The following RAG1 variants were observed in gnomAD, a reference collection of about 807,000 sequenced individuals.
The protein encoded by RAG1 is V(D)J recombination-activating protein 1.
RAG1 carries 35 observed loss-of-function variants against 62.7 expected under a neutral mutation model. The observed-to-expected ratio is 0.56, with a 90% CI of 0.43 to 0.74. The LOEUF is 0.74. Ranked by LOEUF, RAG1 falls within the 30% of genes least tolerant of loss-of-function variation. The pLI is 0.00. For synonymous variants in RAG1, 461 were observed against 470.3 expected, an observed-to-expected ratio of 0.98 and a Z score of 0.26; for missense variants, 1,169 against 1,278.6, an observed-to-expected ratio of 0.91 and a Z score of 1.31.
chr11:36,522,900 C>G (rs1401014076), intron 2 of RAG1, among the ~76,000 whole-genome samples: 2 of 152,178 alleles, frequency 1.3e-5, no homozygotes, highest in Non-Finnish European at 2.9e-5. Context: ...CCCTTTAGCT[C>G]TTTTGTTTTG....
At chr11:36,523,156 G>A (rs1003948312) in intron 2 of RAG1, among the ~76,000 whole-genome samples, 6 of 152,188 alleles carry the variant, frequency 3.9e-5, no homozygotes, top group Non-Finnish European at 8.8e-5. Context: ...GAGGCCAGGG[G>A]TGGAATGATA....
At chr11:36,569,433 A>T (rs1267539856) in intron 1 of RAG1, among the ~76,000 whole-genome samples, 1 of 152,208 alleles carries the variant, frequency 6.6e-6, no homozygotes, top group Non-Finnish European at 1.5e-5. Context: ...TGAGTGTCAA[A>T]ATATGAATCC....
rs533714087 is a variant in RAG1, at chr11:36,573,600, G to A, written c.296G>A (p.Gly99Asp). ...TTTCACGACAACGAGAAAGCAAGAG[G>A]CAAAGCGATCCATCAAGCCAACCTT... ...KKFHDNEKAR[G>D]KAIHQANLRH... The change falls in exon 2 of 2, where the codon GGC (glycine) becomes GAC (aspartate). Residue 99 changes from glycine (G) to aspartate (D), a missense_variant. Around this residue, in one of 2 missense-constraint regions of RAG1, gnomAD observed 369 missense variants for 335.3 expected, o/e 1.10. Coordinates refer to ENST00000299440, the MANE Select transcript of RAG1 (RefSeq NM_000448.3). The A allele has an allele frequency of 3.1e-6, 5 of 1,614,144 alleles. No homozygotes were observed. Among genetic ancestry groups the A allele is most frequent in the East Asian group, 2.2e-5 (1 of 44,878 alleles).
intron 2 of RAG1, among the ~76,000 whole-genome samples, chr11:36,525,116 T>C (rs1246513607): frequency 6.6e-6 from 1 of 152,030 alleles, no homozygotes; most frequent in Non-Finnish European, 1.5e-5. Flanking sequence ...CCTTCTTTTC[T>C]GTGTGATATC....
At chr11:36,520,466 C>T (rs1334159940) in intron 2 of RAG1, among the ~76,000 whole-genome samples, 1 of 151,792 alleles carries the variant, frequency 6.6e-6, no homozygotes, top group Non-Finnish European at 1.5e-5. Flanking sequence ...TTGGAAGAGA[C>T]GGGGTTTCCC....
At position 36,578,032 on chromosome 11, in the gene RAG1, G is replaced by T. The variant is rs1194673994; in HGVS notation, c.*1596G>T. 6.0e-6 allele frequency: 1 copy of T among 167,130 alleles called. No homozygotes were observed. Among genetic ancestry groups the T allele is most frequent in the Non-Finnish European group, 1.5e-5 (1 of 68,136 alleles). 10.4% of individuals were successfully genotyped at this position (167,130 alleles called of 1,614,324 possible). ...ATCCTTAGGAATCTGGGATTTGCCA[G>T]TTGCTGGCAATGTAGAGCAGGCATG... On this transcript the variant is annotated 3_prime_UTR_variant, in exon 2 of 2. Coordinates refer to ENST00000299440, the MANE Select transcript of RAG1 (RefSeq NM_000448.3).
upstream of RAG1, among the ~76,000 whole-genome samples, chr11:36,565,016 T>G (rs1317480837): frequency 6.6e-6 from 1 of 152,194 alleles, no homozygotes; most frequent in Non-Finnish European, 1.5e-5. Flanking sequence ...ACAGGAACAC[T>G]TTGCCCTTCA....
At chr11:36,557,286 G>A (rs1850516658) in intron 3 of RAG1, among the ~76,000 whole-genome samples, 1 of 74,276 alleles carries the variant, frequency 1.3e-5, no homozygotes, top group Non-Finnish European at 2.4e-5. Flanking sequence ...AGGACCCTCT[G>A]AGCCAGGTGT....
At chr11:36,525,194 C>CA (rs35405056) in intron 2 of RAG1, among the ~76,000 whole-genome samples, 17,960 of 151,884 alleles carry the variant, frequency 0.12, 1,148 homozygotes, top group South Asian at 0.15. Context: ...GCACCATTGT[C>CA]AAAAAAATTG....
chr11:36,524,363 G>T lies in RAG1; in HGVS notation n.428+4134G>T, dbSNP rs189003833. The stretch of plus-strand genomic sequence containing the variant: ...AATAAAAAAAAAAAAGAAAAGAAAA[G>T]AAATGGCAAAGTAGTTATTTAGAGT... On this transcript the variant is annotated intron_variant and non_coding_transcript_variant, in intron 2 of 2. Coordinates refer to the RAG1 transcript ENST00000529126. 1.9e-4 allele frequency among the ~76,000 whole-genome samples: 29 copies of T among 150,480 alleles called. No homozygotes were observed. In the East Asian group the frequency reaches 5.7e-3, roughly 29 times the overall value.
upstream of RAG1, among the ~76,000 whole-genome samples, chr11:36,565,347 A>G (rs747871980): frequency 7.2e-5 from 11 of 152,186 alleles, no homozygotes; most frequent in Non-Finnish European, 1.3e-4. Flanking sequence ...GCCAAGGGGA[A>G]TAAGTGTAGG....
At chr11:36,563,536 A>C (rs1564985137), upstream of RAG1, 2 of 152,172 alleles carry the variant, frequency 1.3e-5, no homozygotes, top group Admixed American at 1.3e-4. Context: ...TCTCTCTCAT[A>C]GCAGATTTTT....
upstream of RAG1, chr11:36,567,302 T>C (rs1381363857): frequency 6.7e-6 from 1 of 150,022 alleles, no homozygotes; most frequent in African/African-American, 2.4e-5. Context: ...CATAAAACAC[T>C]TACAAGCCTA....
At chr11:36,527,527 A>G (rs533721006) in intron 2 of RAG1, among the ~76,000 whole-genome samples, 1 of 152,212 alleles carries the variant, frequency 6.6e-6, no homozygotes, top group East Asian at 1.9e-4. Context: ...TGATGCCTCT[A>G]GCTTTGTTCT....
At chr11:36,540,505 C>T (rs369443239), downstream of RAG1, among the ~76,000 whole-genome samples, 401 of 152,152 alleles carry the variant, frequency 2.6e-3, 1 homozygote, top group Non-Finnish European at 4.4e-3. Context: ...CCCGGGTTCA[C>T]GCCATTCTCC....
intron 2 of RAG1, among the ~76,000 whole-genome samples, chr11:36,531,753 C>G (rs1332185441): frequency 6.6e-6 from 1 of 151,860 alleles, no homozygotes; most frequent in Non-Finnish European, 1.5e-5. Context: ...GATACTTTGC[C>G]ATTTCCTTTC....
At chr11:36,550,238 T>A (rs1413209068) in intron 3 of RAG1, among the ~76,000 whole-genome samples, 1 of 152,116 alleles carries the variant, frequency 6.6e-6, no homozygotes, top group Non-Finnish European at 1.5e-5. Context: ...GTCCTGCACA[T>A]GTATCCCAGA....
intron 2 of RAG1, among the ~76,000 whole-genome samples, chr11:36,526,087 T>C (rs764460625): frequency 6.6e-5 from 10 of 152,202 alleles, no homozygotes; most frequent in Non-Finnish European, 1.5e-4. Flanking sequence ...TGTTTGCAAG[T>C]ATTTTGTTAA....
intron 3 of RAG1, among the ~76,000 whole-genome samples, chr11:36,551,036 T>A (rs1028204014): frequency 3.3e-5 from 5 of 152,130 alleles, no homozygotes; most frequent in Non-Finnish European, 7.4e-5. Context: ...GCAAAAGTAT[T>A]GGACAGATAG....
Sources: allele counts gnomAD v4.1 joint callset (sites outside exome capture counted in the v4.1 genomes callset), GRCh38; gene constraint gnomAD v4.1.1; regional missense constraint gnomAD v4.1.1; transcripts MANE v1.5; gene names NCBI Gene and HGNC (gene_info 2026-07-23, HGNC 2026-07-21).